NDRG3: variants seen among roughly 807,000 people sequenced by gnomAD.
NDRG3 encodes protein NDRG3.
Under a neutral mutation model 57.2 loss-of-function variants are expected in NDRG3, and 23 were observed. The observed-to-expected ratio is 0.40, with a 90% CI of 0.29 to 0.57. The LOEUF (loss-of-function observed/expected upper bound fraction) is 0.57, where lower values mean the gene tolerates loss of function less well. NDRG3 is among the 20% of genes least tolerant of loss of function. The pLI is 0.42. For synonymous variants in NDRG3, 132 were observed against 162.6 expected (o/e 0.81, Z 1.43); for missense variants, 384 against 457.3 (o/e 0.84, Z 1.46).
chr20:36,685,170 A>T (rs1253124231), intron 5 of NDRG3, among the ~76,000 whole-genome samples: 1 of 152,124 alleles, frequency 6.6e-6, no homozygotes, highest in African/African-American at 2.4e-5. Flanking sequence ...GTCTACTGCT[A>T]TATTTAGGCA....
chr20:36,667,575 G>A (rs1265401886), intron 9 of NDRG3, among the ~76,000 whole-genome samples: 1 of 152,204 alleles, frequency 6.6e-6, no homozygotes, highest in East Asian at 1.9e-4. Context: ...CTTCTCAGAT[G>A]TCATCAGAGC....
rs543841794 is a variant in NDRG3 at position 36,652,604 on chromosome 20, G to C, written c.*916C>G. On this transcript the variant is annotated 3_prime_UTR_variant, in exon 16 of 16. Transcript: ENST00000349004. ...TCCCCTTTCTGGGAACTGAGGAATG[G>C]AGACACACTCTCTGTCACAGACCTA... 2 of 152,034 alleles carry C rather than the reference G, an allele frequency of 1.3e-5. No homozygotes were observed. Among genetic ancestry groups the C allele is most frequent in the Admixed American group, 1.3e-4 (2 of 15,244 alleles). The allele number at this position is 152,034 out of a possible 1,614,324, so 9.4% of individuals were successfully genotyped here. A position where few individuals can be genotyped will look rare whatever the true frequency, so the allele number is the denominator to read the frequency against.
intron 5 of NDRG3, among the ~76,000 whole-genome samples, chr20:36,686,206 T>C (rs1342418148): frequency 1.3e-5 from 2 of 152,190 alleles, no homozygotes; most frequent in African/African-American, 4.8e-5. Context: ...TCTTGTTGGA[T>C]ATAAACTGAC....
At chr20:36,707,716 G>GA (rs949867997) in intron 2 of NDRG3, among the ~76,000 whole-genome samples, 16 of 151,320 alleles carry the variant, frequency 1.1e-4, no homozygotes, top group African/African-American at 2.9e-4. Context: ...ACTGATTGAG[G>GA]AAAAAAAAAT....
intron 13 of NDRG3, among the ~76,000 whole-genome samples, chr20:36,657,347 G>A (rs1046202689): frequency 6.6e-6 from 1 of 152,068 alleles, no homozygotes; most frequent in Non-Finnish European, 1.5e-5. Context: ...AATTAGCCGG[G>A]CGTGGTGGCA....
In NDRG3 at chr20:36,684,278, A is replaced by C. The variant is rs557759344; in HGVS notation, c.383+135T>G. ...ATAGAACTTTATTATTTGTTTGCTT[A>C]CTTGTTACCCCACTAAGCTCTAGGA... On this transcript the variant is annotated intron_variant, in intron 6 of 15. Coordinates refer to ENST00000349004, the MANE Select transcript of NDRG3 (RefSeq NM_032013.4). The C allele has an allele frequency of 7.5e-6, 5 of 663,538 alleles. No homozygotes were observed. In the East Asian group the frequency reaches 1.1e-4, roughly 14 times the overall value. 41.1% of individuals were successfully genotyped at this position (663,538 alleles called of 1,614,324 possible).
Position 36,667,687 on chromosome 20 carries a change from G to C in NDRG3, c.589-1295C>G, listed in dbSNP as rs568341029. ...TAAGCATAAAGAAATTGCATTGGAG[G>C]AAAGAAATATATCAGGGATAATTAA... On this transcript the variant is annotated intron_variant, in intron 9 of 15. Coordinates refer to ENST00000349004, the MANE Select transcript of NDRG3 (RefSeq NM_032013.4). Among the ~76,000 whole-genome samples, 5 of 152,214 alleles carry C rather than the reference G, an allele frequency of 3.3e-5. No individual in the cohort carries two copies. The South Asian group carries it at 8.3e-4, about 25-fold the overall frequency.
chr20:36,670,238 G>A (rs1265346890), intron 9 of NDRG3, among the ~76,000 whole-genome samples: 1 of 152,098 alleles, frequency 6.6e-6, no homozygotes, highest in Admixed American at 6.6e-5. Flanking sequence ...GGTCACTGAG[G>A]TGCACTTAGG....
chr20:36,687,641 C>T, intron 4 of NDRG3, 29 bp from the exon 5 acceptor site: 1 of 1,603,394 alleles, frequency 6.2e-7, no homozygotes, highest in South Asian at 1.1e-5. Flanking sequence ...CCATAAGTCA[C>T]AGGCTCTCCA....
chr20:36,701,825 G>C (rs1403969070), intron 3 of NDRG3, among the ~76,000 whole-genome samples: 1 of 149,714 alleles, frequency 6.7e-6, no homozygotes, highest in Non-Finnish European at 1.5e-5. Context: ...TGGGATTACA[G>C]GCGTGAGCCA....
intron 4 of NDRG3, 80 bp from the exon 5 acceptor site, chr20:36,687,692 C>G (rs552364251): frequency 2.7e-6 from 4 of 1,474,560 alleles, no homozygotes; most frequent in Non-Finnish European, 3.7e-6. Flanking sequence ...TGCCTATTAT[C>G]ACCTTCTTTC....
At chr20:36,726,961 G>A (rs1415758488) in intron 1 of NDRG3, among the ~76,000 whole-genome samples, 1 of 149,294 alleles carries the variant, frequency 6.7e-6, no homozygotes, top group Non-Finnish European at 1.5e-5. Context: ...CTGTTGCCCA[G>A]GCTGGAGCAC....
intron 8 of NDRG3, among the ~76,000 whole-genome samples, chr20:36,675,059 ATTTT>A (rs34154196): frequency 3.0e-5 from 3 of 101,210 alleles, no homozygotes; most frequent in South Asian, 3.2e-4. Flanking sequence ...CACAACTGGC[ATTTT>A]TTTTTTTTTT....
At chr20:36,695,343 C>T (rs1982686170) in intron 3 of NDRG3, among the ~76,000 whole-genome samples, 1 of 152,140 alleles carries the variant, frequency 6.6e-6, no homozygotes, top group Non-Finnish European at 1.5e-5. Context: ...AACTGGATAA[C>T]AGTGATGTTC....
At chr20:36,705,969 AC>A (rs372397006) in intron 3 of NDRG3, among the ~76,000 whole-genome samples, 13 of 152,160 alleles carry the variant, frequency 8.5e-5, no homozygotes, top group African/African-American at 3.1e-4. Context: ...GGTCTTGAAC[AC>A]TTGACCTCAG....
chr20:36,660,772 G>A (rs1392370292), intron 12 of NDRG3, among the ~76,000 whole-genome samples: 1 of 152,054 alleles, frequency 6.6e-6, no homozygotes, highest in East Asian at 1.9e-4. Context: ...GTGTTAGCCA[G>A]GATGGTCTCG....
intron 1 of NDRG3, among the ~76,000 whole-genome samples, chr20:36,740,698 A>G (rs1985888055): frequency 6.6e-6 from 1 of 152,206 alleles, no homozygotes; most frequent in Non-Finnish European, 1.5e-5. Flanking sequence ...ACTATGAGAC[A>G]TATCACAGAA....
At position 36,721,713 on chromosome 20, in the gene NDRG3, T is replaced by A; in HGVS notation, c.23A>T (p.Gln8Leu). 3.1e-6 allele frequency: 5 copies of A among 1,611,356 alleles called. No individual in the cohort carries two copies. The highest frequency in any genetic ancestry group is 4.2e-6 in the Non-Finnish European group (5 of 1,177,790). The change falls in exon 2 of 16, where the codon CAG (glutamine) becomes CTG (leucine). Residue 8 changes from glutamine (Q) to leucine (L), a missense_variant. Physicochemically the swap from Gln to Leu is moderately radical, Grantham distance 113. Coordinates refer to ENST00000349004, the MANE Select transcript of NDRG3 (RefSeq NM_032013.4). ...TAGAAGTGGTTTGATCTCTGTGAGC[T>A]GAACATCCTGAAGTTCATCCATGAG... MDELQDVQLTEIKPLLND... is the reference protein window; with the variant it reads MDELQDVLLTEIKPLLND...
At chr20:36,676,690 T>G (rs1458020695) in intron 8 of NDRG3, among the ~76,000 whole-genome samples, 1 of 152,254 alleles carries the variant, frequency 6.6e-6, no homozygotes, top group Non-Finnish European at 1.5e-5. Flanking sequence ...CTTGAACTCC[T>G]GACCTCAGGT....
Sources: gnomAD v4.1 joint callset for allele counts (sites outside exome capture counted in the v4.1 genomes callset) on GRCh38, gnomAD v4.1.1 for gene constraint, MANE v1.5 for transcripts, NCBI Gene and HGNC (gene_info 2026-07-23, HGNC 2026-07-21) for gene names.